ATF7IP2: variants seen among roughly 807,000 people sequenced by gnomAD.
ATF7IP2 encodes activating transcription factor 7-interacting protein 2.
ATF7IP2 carries 42 observed loss-of-function variants against 64.2 expected under a neutral mutation model. The ratio of observed to expected loss-of-function variants is 0.65; its 90% CI spans 0.51 to 0.85. The LOEUF (loss-of-function observed/expected upper bound fraction) is 0.85, where lower values mean the gene tolerates loss of function less well. Ranked by LOEUF, ATF7IP2 falls within the 40% of genes least tolerant of loss-of-function variation. ATF7IP2 has a pLI of 0.00. For missense variants in ATF7IP2, 933 were observed against 784.2 expected (o/e 1.19, Z -2.27); for synonymous variants, 308 against 272.8 (o/e 1.13, Z -1.27).
At chr16:10,433,398 C>A in intron 5 of ATF7IP2, 127 bp from the exon 6 acceptor site, 1 of 773,684 alleles carries the variant, frequency 1.3e-6, no homozygotes, top group Non-Finnish European at 2.1e-6. Context: ...TGGTCTTGAA[C>A]TCCTGGCCTT....
chr16:10,464,830 T>C (rs1016682315), intron 9 of ATF7IP2, among the ~76,000 whole-genome samples: 1 of 150,500 alleles, frequency 6.6e-6, no homozygotes, highest in African/African-American at 2.5e-5. Flanking sequence ...GCTGCTGTTG[T>C]TGATGTTGTT....
chr16:10,420,403 A>T (rs1195416817), intron 3 of ATF7IP2, among the ~76,000 whole-genome samples: 2 of 152,232 alleles, frequency 1.3e-5, no homozygotes, highest in East Asian at 3.8e-4. Flanking sequence ...ATCTGCGAGG[A>T]TTAACTCCTC....
chr16:10,416,201 A>C (rs565948571), intron 2 of ATF7IP2, among the ~76,000 whole-genome samples: 124 of 152,374 alleles, frequency 8.1e-4, no homozygotes, highest in African/African-American at 2.8e-3. Flanking sequence ...AAGCAACCTA[A>C]GTGCTCATCA....
chr16:10,395,236 A>G (rs1275055918), intron 1 of ATF7IP2, among the ~76,000 whole-genome samples: 1 of 152,150 alleles, frequency 6.6e-6, no homozygotes, highest in Non-Finnish European at 1.5e-5. Flanking sequence ...GAAACAGACA[A>G]ATTCCTAAAA....
chr16:10,406,275 T>A (rs1324256508), intron 1 of ATF7IP2, among the ~76,000 whole-genome samples: 2 of 152,046 alleles, frequency 1.3e-5, no homozygotes, highest in Admixed American at 1.3e-4. Context: ...CTTAACTAAT[T>A]TTTTATATTT....
intron 3 of ATF7IP2, among the ~76,000 whole-genome samples, chr16:10,425,908 T>G (rs547441451): frequency 1.9e-4 from 29 of 150,816 alleles, no homozygotes; most frequent in African/African-American, 6.8e-4. Flanking sequence ...AAAAAAAAAG[T>G]TAAAGGTAAA....
intron 2 of ATF7IP2, among the ~76,000 whole-genome samples, chr16:10,418,169 G>A (rs1370987896): frequency 6.6e-6 from 1 of 152,212 alleles, no homozygotes; most frequent in Non-Finnish European, 1.5e-5. Flanking sequence ...ATGGGCTCTG[G>A]CTAGTTATCT....
chr16:10,433,669 A>G lies in ATF7IP2; in HGVS notation c.960+20A>G. 4 of 1,610,956 alleles carry G rather than the reference A, an allele frequency of 2.5e-6. No homozygotes were observed. The highest frequency in any genetic ancestry group is 3.4e-6 in the Non-Finnish European group (4 of 1,178,354). On this transcript the variant is annotated intron_variant, in intron 6 of 13. Transcript: ENST00000562102. ...GAACAGGTAAAATATTGGGGCTTAA[A>G]TGGAACTTTTACTTTTGATTAGTAA...
intron 9 of ATF7IP2, 73 bp downstream of exon 9, chr16:10,457,602 G>C: frequency 3.5e-6 from 4 of 1,151,550 alleles, no homozygotes; most frequent in Non-Finnish European, 4.8e-6. Context: ...TCACAGTTTT[G>C]GATCTTTGTA....
intron 1 of ATF7IP2, among the ~76,000 whole-genome samples, chr16:10,402,338 G>A (rs2047551651): frequency 1.3e-5 from 2 of 152,034 alleles, no homozygotes; most frequent in East Asian, 3.9e-4. Flanking sequence ...CAATGACTCA[G>A]TGATAGTTCA....
At chr16:10,479,907 C>T (rs927424607) in intron 12 of ATF7IP2, among the ~76,000 whole-genome samples, 3 of 148,546 alleles carry the variant, frequency 2.0e-5, no homozygotes, top group African/African-American at 7.4e-5. Context: ...ATTAGTTCCA[C>T]CATTGTAGAA....
At chr16:10,472,699 T>C (rs575411979) in intron 10 of ATF7IP2, among the ~76,000 whole-genome samples, 1 of 151,980 alleles carries the variant, frequency 6.6e-6, no homozygotes, top group Non-Finnish European at 1.5e-5. Flanking sequence ...GTATTAAAAA[T>C]ACAAAAATTA....
intron 1 of ATF7IP2, among the ~76,000 whole-genome samples, chr16:10,398,555 A>T (rs1467902955): frequency 1.3e-5 from 2 of 152,200 alleles, no homozygotes; most frequent in Non-Finnish European, 2.9e-5. Flanking sequence ...AACAGAATCA[A>T]CCTGTTTATC....
chr16:10,434,650 T>C (rs1596500932), intron 6 of ATF7IP2, among the ~76,000 whole-genome samples: 1 of 152,166 alleles, frequency 6.6e-6, no homozygotes. Context: ...GTAAAAAATA[T>C]GTAAGTGTTC....
chr16:10,391,714 A>G (rs1404056663), intron 1 of ATF7IP2, among the ~76,000 whole-genome samples: 1 of 152,120 alleles, frequency 6.6e-6, no homozygotes, highest in Non-Finnish European at 1.5e-5. Context: ...CCTAGCCAAC[A>G]TGGTGAAACA....
chr16:10,460,913 T>C (rs541106757), intron 9 of ATF7IP2, among the ~76,000 whole-genome samples: 51 of 151,782 alleles, frequency 3.4e-4, no homozygotes, highest in Non-Finnish European at 2.4e-4. Flanking sequence ...GCCATCCGAG[T>C]TGGAGAAGAT....
At chr16:10,411,990 TGTTTCATTTA>T (rs1223003086) in intron 1 of ATF7IP2, among the ~76,000 whole-genome samples, 1 of 149,118 alleles carries the variant, frequency 6.7e-6, no homozygotes, top group African/African-American at 2.5e-5. Context: ...CCCAGCTTTT[TGTTTCATTTA>T]TCTTTTTTTG....
chr16:10,462,818 T>A (rs2049419996), intron 9 of ATF7IP2, among the ~76,000 whole-genome samples: 1 of 152,200 alleles, frequency 6.6e-6, no homozygotes, highest in Non-Finnish European at 1.5e-5. Context: ...TCTGTCTTAC[T>A]GGTTTCTAAT....
intron 1 of ATF7IP2, among the ~76,000 whole-genome samples, chr16:10,407,917 CTTTT>C (rs35727703): frequency 6.9e-6 from 1 of 144,582 alleles, no homozygotes; most frequent in Non-Finnish European, 1.5e-5. Flanking sequence ...TTCTTTCTTT[CTTTT>C]TTTTTTTTTT....
Sources: gnomAD v4.1 joint callset for allele counts (sites outside exome capture counted in the v4.1 genomes callset) on GRCh38, gnomAD v4.1.1 for gene constraint, MANE v1.5 for transcripts, NCBI Gene and HGNC (gene_info 2026-07-23, HGNC 2026-07-21) for gene names.